The following PRKCA variants were observed in gnomAD, a reference collection of about 807,000 sequenced individuals.
PRKCA encodes the protein protein kinase C alpha type.
Under a neutral mutation model 87.0 loss-of-function variants are expected in PRKCA, and 27 were observed. The ratio of observed to expected loss-of-function variants is 0.31; its 90% CI spans 0.23 to 0.43. The LOEUF (loss-of-function observed/expected upper bound fraction) is 0.43. PRKCA is among the 20% of genes least tolerant of loss of function. The pLI, the probability that PRKCA is intolerant of heterozygous loss-of-function variation, is 1.00. For missense variants in PRKCA, 518 were observed against 852.3 expected (o/e 0.61, Z 4.88); for synonymous variants, 329 against 311.1 (o/e 1.06, Z -0.61).
chr17:66,622,995 G>A (rs1970733922), intron 3 of PRKCA, among the ~76,000 whole-genome samples: 1 of 152,212 alleles, frequency 6.6e-6, no homozygotes, highest in South Asian at 2.1e-4. Flanking sequence ...GGAAACCGTT[G>A]ATTTGTGAGT....
chr17:66,697,057 A>G (rs1972941487), intron 8 of PRKCA, among the ~76,000 whole-genome samples: 1 of 152,016 alleles, frequency 6.6e-6, no homozygotes, highest in Non-Finnish European at 1.5e-5. Context: ...TCGTCATCAC[A>G]CCTCGCCTGT....
chr17:66,587,889 G>GTA lies in PRKCA; in HGVS notation c.289-53465_289-53464insAT, dbSNP rs1231113103. 1.8e-3 allele frequency among the ~76,000 whole-genome samples: 171 copies of GTA among 94,224 alleles called. 6 individuals carry two copies. The highest frequency in any genetic ancestry group is 2.3e-3 in the Non-Finnish European group (115 of 49,308). 61.8% of individuals were successfully genotyped at this position (94,224 alleles called of 152,430 possible). A position where few individuals can be genotyped will look rare whatever the true frequency, so the allele number is the denominator to read the frequency against. ...TATGTATGTGTGTGTGTGTGTGTGT[G>GTA]TGTGTGTATATATATATATATATAT... On this transcript the variant is annotated intron_variant, in intron 3 of 16. Transcript: ENST00000413366.
intron 8 of PRKCA, among the ~76,000 whole-genome samples, chr17:66,707,181 ACTTCCGTCAGTC>A (rs1450916950): frequency 6.6e-6 from 1 of 151,858 alleles, no homozygotes; most frequent in African/African-American, 2.4e-5. Flanking sequence ...CTTCTCCTCC[ACTTCCGTCAGTC>A]CTAGGCTTTT....
At chr17:66,802,271 A>C (rs1051580984) in intron 16 of PRKCA, among the ~76,000 whole-genome samples, 1 of 152,184 alleles carries the variant, frequency 6.6e-6, no homozygotes, top group Non-Finnish European at 1.5e-5. Flanking sequence ...TTTGTCATAA[A>C]GACCTTACTT....
chr17:66,479,900 A>G (rs1462402098), intron 2 of PRKCA, among the ~76,000 whole-genome samples: 1 of 151,848 alleles, frequency 6.6e-6, no homozygotes, highest in Non-Finnish European at 1.5e-5. Context: ...AAATAACTCA[A>G]GGGTACATGG....
intron 8 of PRKCA, among the ~76,000 whole-genome samples, chr17:66,711,265 T>G (rs938658575): frequency 6.6e-6 from 1 of 152,230 alleles, no homozygotes; most frequent in Non-Finnish European, 1.5e-5. Flanking sequence ...GGCATACATC[T>G]GCATTAGCAT....
At position 66,366,401 on chromosome 17, in the gene PRKCA, A is replaced by G. The variant is rs567570302; in HGVS notation, c.205+60274A>G. Among the ~76,000 whole-genome samples, 9 of 152,282 alleles carry G rather than the reference A, an allele frequency of 5.9e-5. 1 individual carries two copies. The highest frequency in any genetic ancestry group is 1.2e-4 in the Non-Finnish European group (8 of 68,028). ...GCGAGGCTTTTTCATAGGGATATGC[A>G]CCTGACTAACTTATTAAAAGTAAAT... On this transcript the variant is annotated intron_variant, in intron 2 of 16. Transcript: ENST00000413366.
intron 3 of PRKCA, among the ~76,000 whole-genome samples, chr17:66,609,647 C>T (rs1356916954): frequency 4.0e-5 from 6 of 151,666 alleles, no homozygotes; most frequent in East Asian, 3.9e-4. Flanking sequence ...CCAGAAACCC[C>T]GAGAGTCAAC....
chr17:66,731,880 C>A (rs1274945094), intron 8 of PRKCA, among the ~76,000 whole-genome samples: 35 of 150,214 alleles, frequency 2.3e-4, no homozygotes, highest in African/African-American at 8.6e-4. Context: ...GCCCCCCGCC[C>A]CCCGGTTCAA....
At chr17:66,678,450 C>T (rs16959970) in intron 5 of PRKCA, among the ~76,000 whole-genome samples, 22,210 of 152,178 alleles carry the variant, frequency 0.15, 1,914 homozygotes, top group East Asian at 0.29. Context: ...GCTAAGATTA[C>T]TATTGATGTC....
In PRKCA at chr17:66,579,009, G is replaced by A. The variant is rs567955489; in HGVS notation, c.289-62346G>A. Reference sequence around the variant, plus strand: ...TGCAAGAGGCTACTTGTGCTTCTGTGCAGGCTGTGGCCTCTTGGGGCTCCC... The same window carrying A: ...TGCAAGAGGCTACTTGTGCTTCTGTACAGGCTGTGGCCTCTTGGGGCTCCC... On this transcript the variant is annotated intron_variant, in intron 3 of 16. Coordinates refer to ENST00000413366, the MANE Select transcript of PRKCA (RefSeq NM_002737.3). Among the ~76,000 whole-genome samples, 10 of 152,344 alleles carry A rather than the reference G, an allele frequency of 6.6e-5. No individual in the cohort carries two copies. In the South Asian group the frequency reaches 2.1e-3, roughly 32 times the overall value.
At chr17:66,536,903 G>C (rs1261821616) in intron 3 of PRKCA, among the ~76,000 whole-genome samples, 2 of 152,190 alleles carry the variant, frequency 1.3e-5, no homozygotes, top group Admixed American at 1.3e-4. Context: ...ATAGATAGAG[G>C]TGAACGATGG....
intron 3 of PRKCA, among the ~76,000 whole-genome samples, chr17:66,590,040 TC>T (rs756265856): frequency 5.9e-5 from 9 of 152,106 alleles, no homozygotes; most frequent in Non-Finnish European, 1.2e-4. Context: ...GCCGCTCACC[TC>T]CTGCTGTGCA....
intron 2 of PRKCA, among the ~76,000 whole-genome samples, chr17:66,337,046 C>A (rs1268483103): frequency 6.6e-6 from 1 of 152,188 alleles, no homozygotes; most frequent in Non-Finnish European, 1.5e-5. Flanking sequence ...CCTCCTCGGC[C>A]TCCCAAAGTG....
chr17:66,520,730 A>G (rs940228043), intron 3 of PRKCA, among the ~76,000 whole-genome samples: 1 of 152,184 alleles, frequency 6.6e-6, no homozygotes, highest in Non-Finnish European at 1.5e-5. Context: ...ACAGTTGGCC[A>G]CACTTTTCTA....
intron 8 of PRKCA, among the ~76,000 whole-genome samples, chr17:66,722,174 A>G (rs1973631604): frequency 6.6e-6 from 1 of 152,216 alleles, no homozygotes; most frequent in African/African-American, 2.4e-5. Context: ...TTTTCCATAT[A>G]GTGTATATTC....
chr17:66,498,483 C>A (rs1282329958), intron 3 of PRKCA, among the ~76,000 whole-genome samples: 1 of 152,080 alleles, frequency 6.6e-6, no homozygotes, highest in Non-Finnish European at 1.5e-5. Flanking sequence ...CTTTTTCTTC[C>A]CCCTCCTACT....
At chr17:66,801,358 C>G (rs553050609) in intron 16 of PRKCA, among the ~76,000 whole-genome samples, 4 of 152,272 alleles carry the variant, frequency 2.6e-5, no homozygotes, top group East Asian at 3.9e-4. Context: ...CCAGGCTTGT[C>G]CCACCCAAGT....
chr17:66,668,294 G>A (rs977705857), intron 5 of PRKCA, among the ~76,000 whole-genome samples: 4 of 152,194 alleles, frequency 2.6e-5, no homozygotes, highest in African/African-American at 9.7e-5. Context: ...GCTGTTGTTG[G>A]TGAGTTATGT....
Sources: gnomAD v4.1 joint callset for allele counts (sites outside exome capture counted in the v4.1 genomes callset) on GRCh38, gnomAD v4.1.1 for gene constraint, MANE v1.5 for transcripts, NCBI Gene and HGNC (gene_info 2026-07-23, HGNC 2026-07-21) for gene names.